The following SEPTIN9 variants were observed in gnomAD, a reference collection of about 807,000 sequenced individuals.
SEPTIN9 encodes the protein septin 9.
SEPTIN9 carries 13 observed loss-of-function variants against 56.6 expected under a neutral mutation model. That is an observed-to-expected ratio of 0.23 (90% CI 0.15 to 0.37). SEPTIN9 has a LOEUF of 0.37. SEPTIN9 is among the 10% of genes least tolerant of loss of function. The pLI is 1.00. For missense variants in SEPTIN9, 650 were observed against 823.1 expected, an observed-to-expected ratio of 0.79 and a Z score of 2.57; for synonymous variants, 332 against 334.1, an observed-to-expected ratio of 0.99 and a Z score of 0.07.
intron 3 of SEPTIN9, among the ~76,000 whole-genome samples, chr17:77,468,189 C>T (rs1210043648): frequency 6.6e-6 from 1 of 152,112 alleles, no homozygotes; most frequent in Non-Finnish European, 1.5e-5. Context: ...GGCGTGAACC[C>T]GGGAGGCAGA....
At chr17:77,438,540 A>G (rs1413600418) in intron 3 of SEPTIN9, among the ~76,000 whole-genome samples, 1 of 152,236 alleles carries the variant, frequency 6.6e-6, no homozygotes, top group Non-Finnish European at 1.5e-5. Flanking sequence ...CGCTGTCATC[A>G]CAAGAGTTTT....
chr17:77,408,018 A>G (rs1394256175), intron 3 of SEPTIN9, among the ~76,000 whole-genome samples: 2 of 146,820 alleles, frequency 1.4e-5, no homozygotes, highest in Non-Finnish European at 3.0e-5. Context: ...ACACCAGCCA[A>G]GTTTCTCCAG....
intron 2 of SEPTIN9, among the ~76,000 whole-genome samples, chr17:77,311,479 G>T (rs1027264316): frequency 3.3e-5 from 5 of 152,148 alleles, no homozygotes; most frequent in Admixed American, 1.3e-4. Flanking sequence ...GCACAAGTAG[G>T]TGTGAAAAAA....
chr17:77,412,702 G>T lies in SEPTIN9; in HGVS notation c.721+9999G>T, dbSNP rs188537107. On this transcript the variant is annotated intron_variant, in intron 3 of 11. Transcript: ENST00000427177. ...GGTCATACCACTGCACTCCAGCCTG[G>T]GTGACAGAGTGAGATCCTGTCTAAA... Among the ~76,000 whole-genome samples the T allele has an allele frequency of 5.8e-3, 882 of 152,106 alleles. 3 individuals carry two copies. The highest frequency in any genetic ancestry group is 0.019 in the African/African-American group (783 of 41,456).
At chr17:77,351,689 G>A (rs1226414826) in intron 2 of SEPTIN9, among the ~76,000 whole-genome samples, 1 of 152,216 alleles carries the variant, frequency 6.6e-6, no homozygotes, top group Non-Finnish European at 1.5e-5. Flanking sequence ...TCTGGTTGGC[G>A]CCCAGCCCAG....
intron 3 of SEPTIN9, among the ~76,000 whole-genome samples, chr17:77,460,566 G>A (rs903616488): frequency 2.6e-5 from 4 of 152,166 alleles, no homozygotes; most frequent in African/African-American, 4.8e-5. Context: ...TACGGGGAGC[G>A]AGAGGGCTTG....
At chr17:77,447,635 T>G (rs1484781835) in intron 3 of SEPTIN9, among the ~76,000 whole-genome samples, 1 of 152,266 alleles carries the variant, frequency 6.6e-6, no homozygotes, top group Non-Finnish European at 1.5e-5. Context: ...TTTTTTTGTT[T>G]GTTTTTTGAG....
intron 3 of SEPTIN9, among the ~76,000 whole-genome samples, chr17:77,479,396 G>A (rs916421899): frequency 1.3e-5 from 2 of 152,256 alleles, no homozygotes; most frequent in African/African-American, 4.8e-5. Flanking sequence ...GGCCAGGTAG[G>A]AGAGCGAGGC....
In SEPTIN9 at chr17:77,316,674, C is replaced by T. The variant is rs940478834; in HGVS notation, c.76+9477C>T. On this transcript the variant is annotated intron_variant, in intron 2 of 11. Transcript: ENST00000427177. Reference sequence around the variant, plus strand: ...CAGCAGGAGTTCGTATGGAGAGTCTCGAGTGAGGTTAATGGGTTTTCTTCC... The same window carrying T: ...CAGCAGGAGTTCGTATGGAGAGTCTTGAGTGAGGTTAATGGGTTTTCTTCC... 3.3e-5 allele frequency among the ~76,000 whole-genome samples: 5 copies of T among 151,676 alleles called. No individual in the cohort carries two copies. The East Asian group carries it at 5.8e-4, about 18-fold the overall frequency.
At position 77,492,158 on chromosome 17, in the gene SEPTIN9, C is replaced by T. The variant is rs1327862803; in HGVS notation, c.1381-463C>T. On this transcript the variant is annotated intron_variant, in intron 8 of 11. Coordinates refer to ENST00000427177, the MANE Select transcript of SEPTIN9 (RefSeq NM_001113491.2). The surrounding 1 kb of genome is among the most constrained non-coding windows in gnomAD (Gnocchi z 5.4). ...GCTACACACGGGCTGTGGTCTGTGC[C>T]TGGGCAGGCGAGCAGCCGCTCACTG... 1.3e-5 allele frequency among the ~76,000 whole-genome samples: 2 copies of T among 152,214 alleles called. No homozygotes were observed. The highest frequency in any genetic ancestry group is 2.9e-5 in the Non-Finnish European group (2 of 68,042).
chr17:77,477,540 C>G (rs971910357), intron 3 of SEPTIN9, among the ~76,000 whole-genome samples: 2 of 152,136 alleles, frequency 1.3e-5, no homozygotes, highest in African/African-American at 4.8e-5. Flanking sequence ...CATCTGTTGG[C>G]GGATGTGTTA....
rs1171416725 is a variant in SEPTIN9 at position 77,281,648 on chromosome 17, G to C, written c.19+94G>C. 3 of 1,254,624 alleles carry C rather than the reference G, an allele frequency of 2.4e-6. No homozygotes were observed. The African/African-American group carries it at 4.7e-5, about 20-fold the overall frequency. The allele number at this position is 1,254,624 out of a possible 1,614,324, so 77.7% of individuals were successfully genotyped here. Reference sequence around the variant, plus strand: ...CGGCCGGGAGTGGCGAGGCGCCCCCGGAGCTGAGCGAGTCCCCGCGGCGGG... The same window carrying C: ...CGGCCGGGAGTGGCGAGGCGCCCCCCGAGCTGAGCGAGTCCCCGCGGCGGG... On this transcript the variant is annotated intron_variant, in intron 1 of 11. Transcript: ENST00000427177.
intron 2 of SEPTIN9, chr17:77,373,693 G>T (rs189169886): frequency 4.9e-5 from 67 of 1,361,546 alleles, no homozygotes; most frequent in Admixed American, 2.2e-4. Context: ...GCGCCCTCCC[G>T]CTGAGAGCGC....
rs2039991462 is a variant in SEPTIN9, at chr17:77,490,758, A to G, written c.1279A>G (p.Ile427Val). The G allele has an allele frequency of 1.3e-6, 2 of 1,577,850 alleles. No homozygotes were observed. Among genetic ancestry groups the G allele is most frequent in the Non-Finnish European group, 1.7e-6 (2 of 1,161,426 alleles). The change falls in exon 8 of 12, where the codon ATC (isoleucine) becomes GTC (valine). Residue 427 changes from isoleucine to valine, a missense_variant. Ile to Val is a conservative substitution (Grantham distance 29, BLOSUM62 3). This residue lies in a region of SEPTIN9 where 333 missense variants were observed against 494.0 expected (regional missense o/e 0.67). Transcript: ENST00000427177. ...CTGCTTCAGCCTCAGGCCCCTGGAC[A>G]TCGAGTTTATGAAACGCCTGAGCAA... Reference protein sequence around the residue: ...ATGHSLRPLDIEFMKRLSKVV... With the variant: ...ATGHSLRPLDVEFMKRLSKVV...
rs1353160074 is a variant in SEPTIN9, at chr17:77,499,401, G to A, written c.*743G>A. On this transcript the variant is annotated 3_prime_UTR_variant, in exon 12 of 12. Coordinates refer to ENST00000427177, the MANE Select transcript of SEPTIN9 (RefSeq NM_001113491.2). Reference sequence around the variant, plus strand: ...CTCACGCCACCCCCGCCCCCACCGGGCTGCAGGTGCTGCTGATGCGCTGGG... The same window carrying A: ...CTCACGCCACCCCCGCCCCCACCGGACTGCAGGTGCTGCTGATGCGCTGGG... 1.8e-6 allele frequency: 1 copy of A among 543,062 alleles called. No homozygotes were observed. Among genetic ancestry groups the A allele is most frequent in the African/African-American group, 1.8e-5 (1 of 54,272 alleles). The allele number at this position is 543,062 out of a possible 1,614,324, so 33.6% of individuals were successfully genotyped here. A position where few individuals can be genotyped will look rare whatever the true frequency, so the allele number is the denominator to read the frequency against.
intron 2 of SEPTIN9, among the ~76,000 whole-genome samples, chr17:77,354,459 G>C (rs2034158773): frequency 6.6e-6 from 1 of 152,160 alleles, no homozygotes; most frequent in Non-Finnish European, 1.5e-5. Flanking sequence ...CATCTCCCTG[G>C]TATGACCTAG....
intron 2 of SEPTIN9, among the ~76,000 whole-genome samples, chr17:77,348,294 GTTTTTT>G (rs367934946): frequency 2.2e-5 from 2 of 89,754 alleles, no homozygotes; most frequent in African/African-American, 4.5e-5. Flanking sequence ...TTTAATTTAT[GTTTTTT>G]TTTTTTTTTT....
At chr17:77,297,559 G>GTGA (rs545289414) in intron 1 of SEPTIN9, among the ~76,000 whole-genome samples, 5 of 152,308 alleles carry the variant, frequency 3.3e-5, no homozygotes, top group Admixed American at 3.3e-4. Context: ...TGGTTGCATG[G>GTGA]TGATGGTCTC....
At chr17:77,332,047 A>G (rs2033385867) in intron 2 of SEPTIN9, among the ~76,000 whole-genome samples, 1 of 152,120 alleles carries the variant, frequency 6.6e-6, no homozygotes, top group African/African-American at 2.4e-5. Flanking sequence ...AGGTTGAGGT[A>G]GGAGGATCAC....
Sources: gnomAD v4.1 joint callset for allele counts (sites outside exome capture counted in the v4.1 genomes callset) on GRCh38, gnomAD v4.1.1 for gene constraint, gnomAD v4.1.1 regional missense constraint, Gnocchi (gnomAD v3.1) non-coding constraint, MANE v1.5 for transcripts, NCBI Gene and HGNC (gene_info 2026-07-23, HGNC 2026-07-21) for gene names.